The following THSD7B variants were observed in gnomAD, a reference collection of about 807,000 sequenced individuals.
THSD7B encodes thrombospondin type-1 domain-containing protein 7B.
A neutral mutation model predicts 213.6 loss-of-function variants in THSD7B; 138 were observed. The observed-to-expected ratio is 0.65, with a 90% CI of 0.56 to 0.74. The LOEUF (loss-of-function observed/expected upper bound fraction) is 0.74, where lower values mean the gene tolerates loss of function less well. THSD7B is among the 30% of genes least tolerant of loss of function. The pLI, the probability that THSD7B is intolerant of heterozygous loss-of-function variation, is 0.00. For synonymous variants in THSD7B, 742 were observed against 687.0 expected (o/e 1.08, Z -1.25); for missense variants, 1,931 against 1,991.5 (o/e 0.97, Z 0.58).
At chr2:137,230,790 T>G (rs987404345) in intron 7 of THSD7B, among the ~76,000 whole-genome samples, 7 of 152,208 alleles carry the variant, frequency 4.6e-5, no homozygotes, top group African/African-American at 1.7e-4. Context: ...GGTCCATCTT[T>G]AGCCATCCGT....
rs960198103 is a variant in THSD7B, at chr2:137,360,978, C to T, written c.2501-44635C>T. On this transcript the variant is annotated intron_variant, in intron 12 of 27. Transcript: ENST00000409968. Reference sequence around the variant, plus strand: ...AGGGGCCGACTGATACCTCATACAGCTGGGTGCCCCTCTAAGATGAAGTTT... The same window carrying T: ...AGGGGCCGACTGATACCTCATACAGTTGGGTGCCCCTCTAAGATGAAGTTT... 1.3e-4 allele frequency among the ~76,000 whole-genome samples: 20 copies of T among 152,274 alleles called. 1 individual carries two copies. The highest frequency in any genetic ancestry group is 1.3e-3 in the Admixed American group (20 of 15,290).
At chr2:137,281,992 A>G (rs1314721871) in intron 12 of THSD7B, among the ~76,000 whole-genome samples, 8 of 152,158 alleles carry the variant, frequency 5.3e-5, no homozygotes, top group Non-Finnish European at 1.0e-4. Context: ...GACTTCCACA[A>G]TGGTTGAACT....
At chr2:137,252,664 G>T (rs1682213184) in intron 10 of THSD7B, among the ~76,000 whole-genome samples, 1 of 152,194 alleles carries the variant, frequency 6.6e-6, no homozygotes. Flanking sequence ...CAGCCCTTGA[G>T]GCCAGAGACT....
At chr2:137,074,217 T>A (rs1262000325) in intron 3 of THSD7B, among the ~76,000 whole-genome samples, 1 of 152,042 alleles carries the variant, frequency 6.6e-6, no homozygotes, top group African/African-American at 2.4e-5. Flanking sequence ...TGTGTGGGAG[T>A]CTAAGTCTCT....
chr2:137,391,544 C>T (rs761343976), intron 12 of THSD7B, among the ~76,000 whole-genome samples: 9 of 151,886 alleles, frequency 5.9e-5, no homozygotes, highest in Non-Finnish European at 1.0e-4. Context: ...AAAAATTAGC[C>T]GGGCATGGTA....
chr2:137,444,357 T>G (rs1687483116), intron 14 of THSD7B, among the ~76,000 whole-genome samples: 1 of 152,042 alleles, frequency 6.6e-6, no homozygotes, highest in Non-Finnish European at 1.5e-5. Context: ...AATGGCAAAG[T>G]ATTGATCTAA....
intron 2 of THSD7B, among the ~76,000 whole-genome samples, chr2:137,029,508 A>G (rs1686623843): frequency 6.6e-6 from 1 of 152,190 alleles, no homozygotes; most frequent in African/African-American, 2.4e-5. Context: ...CTATCTTAAA[A>G]CATTCAAAGA....
chr2:137,314,335 T>C (rs145829782), intron 12 of THSD7B, among the ~76,000 whole-genome samples: 17 of 152,198 alleles, frequency 1.1e-4, no homozygotes, highest in Non-Finnish European at 2.1e-4. Flanking sequence ...ACGTAGTTCT[T>C]GAGCCTTGGT....
chr2:136,779,705 TTC>T (rs1281488841), intron 1 of THSD7B, among the ~76,000 whole-genome samples: 1 of 152,230 alleles, frequency 6.6e-6, no homozygotes, highest in Non-Finnish European at 1.5e-5. Flanking sequence ...GCACTATAAA[TTC>T]TGTTTATTTA....
chr2:137,088,409 G>A (rs887223618), intron 3 of THSD7B, among the ~76,000 whole-genome samples: 1 of 151,856 alleles, frequency 6.6e-6, no homozygotes, highest in Non-Finnish European at 1.5e-5. Context: ...ATGGTACTGG[G>A]ATAATTGGCT....
rs866115190 is a variant in THSD7B at position 137,256,603 on chromosome 2, G to A, written c.2266+14031G>A. Reference sequence around the variant, plus strand: ...TAAAGAGATATGCAGGTACCCGCTCGTGAAGACATTCTACCAAGTTTGTAT... The same window carrying A: ...TAAAGAGATATGCAGGTACCCGCTCATGAAGACATTCTACCAAGTTTGTAT... On this transcript the variant is annotated intron_variant, in intron 10 of 27. Coordinates refer to ENST00000409968, the MANE Select transcript of THSD7B (RefSeq NM_001316349.2). 5.3e-5 allele frequency among the ~76,000 whole-genome samples: 8 copies of A among 152,180 alleles called. No individual in the cohort carries two copies. In the East Asian group the frequency reaches 7.7e-4, roughly 15 times the overall value.
chr2:136,979,889 T>A (rs570106291), intron 2 of THSD7B, among the ~76,000 whole-genome samples: 4 of 152,312 alleles, frequency 2.6e-5, no homozygotes, highest in Admixed American at 2.0e-4. Context: ...ATTTTTTTTC[T>A]CATCTTCATG....
At position 136,837,118 on chromosome 2, in the gene THSD7B, G is replaced by C. The variant is rs1254330028; in HGVS notation, c.-35-45026G>C. Reference sequence around the variant, plus strand: ...TCTCTCTGTGTCCACTCTTAACCTGGCGGGTCTGTATTCGATCCTCTATAT... The same window carrying C: ...TCTCTCTGTGTCCACTCTTAACCTGCCGGGTCTGTATTCGATCCTCTATAT... On this transcript the variant is annotated intron_variant, in intron 1 of 27. Transcript: ENST00000409968. Among the ~76,000 whole-genome samples, 3 of 152,222 alleles carry C rather than the reference G, an allele frequency of 2.0e-5. No homozygotes were observed. In the East Asian group the frequency reaches 5.8e-4, roughly 29 times the overall value.
chr2:137,526,703 C>T (rs1440637403), intron 15 of THSD7B, among the ~76,000 whole-genome samples: 1 of 152,158 alleles, frequency 6.6e-6, no homozygotes, highest in Non-Finnish European at 1.5e-5. Context: ...GGATTACAGG[C>T]ATGAGCCACC....
At chr2:137,213,737 C>T (rs371273128) in intron 7 of THSD7B, among the ~76,000 whole-genome samples, 71 of 152,126 alleles carry the variant, frequency 4.7e-4, no homozygotes, top group Middle Eastern at 3.4e-3. Flanking sequence ...TGCTTGAAAT[C>T]TCAGCCAGCT....
intron 5 of THSD7B, among the ~76,000 whole-genome samples, chr2:137,121,154 T>C (rs917615206): frequency 6.6e-6 from 1 of 152,110 alleles, no homozygotes; most frequent in African/African-American, 2.4e-5. Flanking sequence ...TATTGAAGAG[T>C]TCCTACTTTA....
chr2:137,389,779 T>C (rs1573999676), intron 12 of THSD7B, among the ~76,000 whole-genome samples: 3 of 152,256 alleles, frequency 2.0e-5, no homozygotes, highest in African/African-American at 7.2e-5. Flanking sequence ...TTTTTATTCA[T>C]CTGTATGTGG....
intron 15 of THSD7B, among the ~76,000 whole-genome samples, chr2:137,452,426 G>A (rs1056267082): frequency 5.3e-5 from 8 of 152,166 alleles, no homozygotes; most frequent in African/African-American, 1.7e-4. Flanking sequence ...AATAATGCAG[G>A]TTTATGTTCA....
At chr2:136,949,798 A>G (rs1299627365) in intron 2 of THSD7B, among the ~76,000 whole-genome samples, 5 of 152,200 alleles carry the variant, frequency 3.3e-5, no homozygotes, top group African/African-American at 1.2e-4. Context: ...AGGATCTAGA[A>G]CCAGAAATAC....
Sources: gnomAD v4.1 joint callset for allele counts (sites outside exome capture counted in the v4.1 genomes callset) on GRCh38, gnomAD v4.1.1 for gene constraint, MANE v1.5 for transcripts, NCBI Gene and HGNC (gene_info 2026-07-23, HGNC 2026-07-21) for gene names.